The following NCKAP5 variants were observed in gnomAD, a reference collection of about 807,000 sequenced individuals.
The protein encoded by NCKAP5 is NCK associated protein 5, also known as nck-associated protein 5.
Under a neutral mutation model 167.0 loss-of-function variants are expected in NCKAP5, and 92 were observed. The observed-to-expected ratio is 0.55, with a 90% CI of 0.47 to 0.66. The LOEUF (loss-of-function observed/expected upper bound fraction) is 0.66, where lower values mean the gene tolerates loss of function less well. NCKAP5 is among the 30% of genes least tolerant of loss of function. The pLI is 0.00. For synonymous variants in NCKAP5, 891 were observed against 877.4 expected, an observed-to-expected ratio of 1.02 and a Z score of -0.27; for missense variants, 2,378 against 2,315.0, an observed-to-expected ratio of 1.03 and a Z score of -0.56.
chr2:133,621,518 C>T, the NCKAP5 span, among the ~76,000 whole-genome samples: 1 of 151,978 alleles, frequency 6.6e-6, no homozygotes, highest in Non-Finnish European at 1.5e-5. Flanking sequence ...AACTGGAAAA[C>T]CTAGAGGAGA....
chr2:133,010,549 G>A (rs1411691275), intron 6 of NCKAP5, among the ~76,000 whole-genome samples: 3 of 152,052 alleles, frequency 2.0e-5, no homozygotes, highest in Admixed American at 1.3e-4. Flanking sequence ...CAACATTTTT[G>A]GGTGCTCAGG....
At chr2:133,120,735 T>C (rs921511958) in intron 6 of NCKAP5, among the ~76,000 whole-genome samples, 2 of 152,154 alleles carry the variant, frequency 1.3e-5, no homozygotes, top group African/African-American at 4.8e-5. Context: ...CAGGTCTTCA[T>C]CCTCCCAGGC....
At chr2:133,256,480 T>A (rs2088624384) in intron 4 of NCKAP5, among the ~76,000 whole-genome samples, 1 of 152,230 alleles carries the variant, frequency 6.6e-6, no homozygotes. Flanking sequence ...AATGTTTACA[T>A]CTGTATTTTT....
chr2:133,107,974 G>T (rs568168978), intron 6 of NCKAP5, among the ~76,000 whole-genome samples: 1 of 152,212 alleles, frequency 6.6e-6, no homozygotes, highest in East Asian at 1.9e-4. Context: ...CATCTTTACT[G>T]TTAAGATATA....
chr2:133,170,570 A>G (rs1286020021), intron 5 of NCKAP5, among the ~76,000 whole-genome samples: 2 of 152,094 alleles, frequency 1.3e-5, no homozygotes, highest in South Asian at 2.1e-4. Context: ...TTTATTCCAC[A>G]CTGTGTTTGT....
At chr2:133,663,533 T>C in the NCKAP5 span, among the ~76,000 whole-genome samples, 1 of 152,250 alleles carries the variant, frequency 6.6e-6, no homozygotes, top group Non-Finnish European at 1.5e-5. Context: ...GCTGCTACTT[T>C]ATCAACTAAG....
intron 5 of NCKAP5, among the ~76,000 whole-genome samples, chr2:133,189,330 T>A (rs1314930969): frequency 2.0e-5 from 3 of 152,104 alleles, no homozygotes; most frequent in African/African-American, 2.4e-5. Flanking sequence ...ATCAGATGGA[T>A]TCACAGCTGA....
chr2:133,300,323 CA>C (rs911878139), intron 4 of NCKAP5, among the ~76,000 whole-genome samples: 5 of 132,940 alleles, frequency 3.8e-5, no homozygotes, highest in Admixed American at 3.6e-4. Flanking sequence ...GAGACACAAC[CA>C]AAAAAGAGAA....
chr2:133,176,386 GA>G (rs2084462656), intron 5 of NCKAP5, among the ~76,000 whole-genome samples: 1 of 152,020 alleles, frequency 6.6e-6, no homozygotes, highest in Admixed American at 6.5e-5. Flanking sequence ...GTTAAGAATA[GA>G]AAGTAACAGA....
At chr2:132,987,830 C>T (rs1030402597) in intron 7 of NCKAP5, among the ~76,000 whole-genome samples, 8 of 152,154 alleles carry the variant, frequency 5.3e-5, no homozygotes, top group African/African-American at 1.4e-4. Flanking sequence ...CAAAGGATGT[C>T]GAGTGACCTA....
the NCKAP5 span, among the ~76,000 whole-genome samples, chr2:133,628,986 T>C: frequency 6.6e-6 from 1 of 152,048 alleles, no homozygotes; most frequent in African/African-American, 2.4e-5. Flanking sequence ...AAAAATTAAC[T>C]CAAGATGGAT....
At chr2:133,633,641 G>A in the NCKAP5 span, among the ~76,000 whole-genome samples, 1 of 152,192 alleles carries the variant, frequency 6.6e-6, no homozygotes, top group Admixed American at 6.5e-5. Flanking sequence ...TAAGCCCAGT[G>A]CATCTACATC....
At chr2:132,801,869 C>G (rs917669516) in intron 11 of NCKAP5, among the ~76,000 whole-genome samples, 5 of 152,142 alleles carry the variant, frequency 3.3e-5, no homozygotes, top group African/African-American at 7.2e-5. Flanking sequence ...GTGGACCCTT[C>G]AGGGTGGTAG....
chr2:132,982,210 T>G (rs143039003), intron 7 of NCKAP5, among the ~76,000 whole-genome samples: 77 of 152,344 alleles, frequency 5.1e-4, no homozygotes, highest in African/African-American at 1.8e-3. Context: ...CTATCATACA[T>G]TATCTCTGAT....
chr2:133,358,021 C>T (rs1684855149), intron 3 of NCKAP5, among the ~76,000 whole-genome samples: 1 of 152,172 alleles, frequency 6.6e-6, no homozygotes, highest in South Asian at 2.1e-4. Flanking sequence ...GGGGTGTTGT[C>T]CTCACCTGTC....
At chr2:132,979,327 G>C (rs1296898784) in intron 7 of NCKAP5, among the ~76,000 whole-genome samples, 1 of 152,018 alleles carries the variant, frequency 6.6e-6, no homozygotes, top group Admixed American at 6.5e-5. Context: ...TCCAGCAGCA[G>C]GGTTTTCCTC....
At chr2:133,085,403 G>GGCAAT (rs1157437171) in intron 6 of NCKAP5, among the ~76,000 whole-genome samples, 1 of 152,052 alleles carries the variant, frequency 6.6e-6, no homozygotes, top group Non-Finnish European at 1.5e-5. Context: ...TAATAAGTAT[G>GGCAAT]GCAATTTTTT....
intron 4 of NCKAP5, among the ~76,000 whole-genome samples, chr2:133,299,133 T>G (rs1680173401): frequency 6.6e-6 from 1 of 152,282 alleles, no homozygotes; most frequent in East Asian, 1.9e-4. Flanking sequence ...CTACCAGCAG[T>G]TTTTCTATGT....
At chr2:133,142,016 G>C (rs2083018559) in intron 5 of NCKAP5, among the ~76,000 whole-genome samples, 2 of 152,100 alleles carry the variant, frequency 1.3e-5, no homozygotes, top group Non-Finnish European at 2.9e-5. Context: ...AGAAGAAATT[G>C]AAAGCACCAA....
Sources: gnomAD v4.1 joint callset for allele counts (sites outside exome capture counted in the v4.1 genomes callset) on GRCh38, gnomAD v4.1.1 for gene constraint, MANE v1.5 for transcripts, NCBI Gene and HGNC (gene_info 2026-07-23, HGNC 2026-07-21) for gene names.